Variants in SHB observed in about 807,000 individuals in gnomAD.
SHB encodes SH2 domain containing adaptor protein B.
A neutral mutation model predicts 52.3 loss-of-function variants in SHB; 20 were observed. That is an observed-to-expected ratio of 0.38 (90% CI 0.27 to 0.56). The LOEUF (loss-of-function observed/expected upper bound fraction) is 0.56. Ranked by LOEUF, SHB falls within the 20% of genes least tolerant of loss-of-function variation. The pLI is 0.71. For synonymous variants in SHB, 397 were observed against 316.5 expected, an observed-to-expected ratio of 1.25 and a Z score of -2.70; for missense variants, 825 against 723.3, an observed-to-expected ratio of 1.14 and a Z score of -1.61.
chr9:37,930,062 A>G (rs1201323404), intron 5 of SHB, among the ~76,000 whole-genome samples: 3 of 152,158 alleles, frequency 2.0e-5, no homozygotes, highest in East Asian at 1.9e-4. Flanking sequence ...TGTTCACACC[A>G]ATGCAGTCCA....
rs749831725 is a variant in SHB, at chr9:38,068,101, T to C, written c.545A>G (p.Lys182Arg). The C allele has an allele frequency of 6.7e-7, 1 of 1,487,574 alleles. No homozygotes were observed. Among genetic ancestry groups the C allele is most frequent in the Non-Finnish European group, 8.8e-7 (1 of 1,130,574 alleles). The allele number at this position is 1,487,574 out of a possible 1,614,324, so 92.1% of individuals were successfully genotyped here. ...GCTCTCCACTTTGATGAGGCGGTGC[T>C]TGGGGGAGATGTAGCGCACCTCGGC... ...TPAEVRYISP[K>R]HRLIKVESAA... The change falls in exon 1 of 6, where the codon AAG (lysine) becomes AGG (arginine). Residue 182 changes from lysine to arginine, a missense_variant. Lys to Arg is a conservative substitution (Grantham distance 26). Coordinates refer to ENST00000377707, the MANE Select transcript of SHB (RefSeq NM_003028.3).
intron 2 of SHB, among the ~76,000 whole-genome samples, chr9:37,997,338 C>T (rs1373124953): frequency 2.6e-5 from 4 of 152,208 alleles, no homozygotes; most frequent in Non-Finnish European, 5.9e-5. Flanking sequence ...CCCAGAGCCA[C>T]TAGCTAGTCC....
intron 5 of SHB, among the ~76,000 whole-genome samples, chr9:37,935,495 A>T (rs1832359044): frequency 6.6e-6 from 1 of 152,158 alleles, no homozygotes; most frequent in African/African-American, 2.4e-5. Context: ...TGCTATGGCC[A>T]CAGGTGAGCC....
intron 3 of SHB, among the ~76,000 whole-genome samples, chr9:37,968,550 C>G (rs1271880488): frequency 6.6e-6 from 1 of 152,206 alleles, no homozygotes; most frequent in Non-Finnish European, 1.5e-5. Context: ...ATGAGGCAGA[C>G]CTGGCTGAGC....
chr9:37,969,245 G>A lies in SHB; in HGVS notation c.1054+5377C>T, dbSNP rs183103630. 5.6e-4 allele frequency among the ~76,000 whole-genome samples: 85 copies of A among 152,302 alleles called. 1 individual carries two copies. The highest frequency in any genetic ancestry group is 1.9e-3 in the African/African-American group (80 of 41,576). On this transcript the variant is annotated intron_variant, in intron 3 of 5. Coordinates refer to ENST00000377707, the MANE Select transcript of SHB (RefSeq NM_003028.3). The stretch of plus-strand genomic sequence containing the variant: ...AGGCCAGACATTTGACTGGGTTAGG[G>A]CAGGGGCTCTGGAGTTGGAGCTGAC...
chr9:37,938,307 C>G (rs541566781), intron 5 of SHB, among the ~76,000 whole-genome samples: 1 of 152,280 alleles, frequency 6.6e-6, no homozygotes, highest in South Asian at 2.1e-4. Flanking sequence ...CTGATCACAG[C>G]CTTCCTCTCC....
intron 2 of SHB, among the ~76,000 whole-genome samples, chr9:37,999,950 CCATT>C (rs1295633521): frequency 6.6e-6 from 1 of 152,214 alleles, no homozygotes; most frequent in African/African-American, 2.4e-5. Context: ...TTCTATTTGG[CCATT>C]CAGAGATTTA....
chr9:38,001,921 A>G (rs868075210), intron 2 of SHB, among the ~76,000 whole-genome samples: 30 of 152,338 alleles, frequency 2.0e-4, no homozygotes, highest in Middle Eastern at 6.8e-3. Context: ...AGCTCCAGAG[A>G]GCACGAGTGG....
intron 3 of SHB, among the ~76,000 whole-genome samples, chr9:37,959,651 A>T (rs572308125): frequency 6.6e-6 from 1 of 152,296 alleles, no homozygotes; most frequent in East Asian, 1.9e-4. Context: ...ATGATTGTGG[A>T]GGGAGCCCAA....
chr9:38,013,927 CATG>C (rs941721440), intron 2 of SHB, among the ~76,000 whole-genome samples: 26 of 152,188 alleles, frequency 1.7e-4, no homozygotes, highest in Admixed American at 5.2e-4. Flanking sequence ...CCCTCAGCCT[CATG>C]ATGAAGAAAC....
At chr9:38,056,193 CCA>C (rs1486687839) in intron 1 of SHB, among the ~76,000 whole-genome samples, 4 of 151,874 alleles carry the variant, frequency 2.6e-5, no homozygotes, top group Non-Finnish European at 5.9e-5. Flanking sequence ...TACAGGGTAC[CCA>C]GACACACACT....
At chr9:37,945,305 G>T (rs987772357) in intron 5 of SHB, among the ~76,000 whole-genome samples, 2 of 152,232 alleles carry the variant, frequency 1.3e-5, no homozygotes, top group African/African-American at 4.8e-5. Flanking sequence ...GGCTGGCAAA[G>T]ATGGTGCTTG....
Position 38,016,055 on chromosome 9 carries a change from C to T in SHB, c.794G>A (p.Ser265Asn). ...DLKSKAGKGE[S>N]AGYMEPYEAQ... is the part of the protein sequence containing the mutation. ...CTCATAGGGCTCCATGTAGCCAGCA[C>T]TCTCCCCCTTTCCTGCTTTGCTCTT... Residue 265 changes from serine (S) to asparagine (N), a missense_variant, in exon 2 of 6, where the codon AGT becomes AAT. Ser to Asn is a conservative substitution (Grantham distance 46). Coordinates refer to ENST00000377707, the MANE Select transcript of SHB (RefSeq NM_003028.3). The T allele has an allele frequency of 6.2e-7, 1 of 1,614,220 alleles. No individual in the cohort carries two copies. Among genetic ancestry groups the T allele is most frequent in the East Asian group, 2.2e-5 (1 of 44,888 alleles).
chr9:38,057,970 C>G (rs1821842535), intron 1 of SHB, among the ~76,000 whole-genome samples: 1 of 151,580 alleles, frequency 6.6e-6, no homozygotes, highest in South Asian at 2.1e-4. Flanking sequence ...CTCAGCCATG[C>G]AACATAGCAG....
chr9:38,038,629 G>A (rs1821521596), intron 1 of SHB, among the ~76,000 whole-genome samples: 4 of 152,110 alleles, frequency 2.6e-5, no homozygotes, highest in South Asian at 4.1e-4. Flanking sequence ...GGAAAGCAGC[G>A]GGTCTGCCTG....
chr9:37,962,857 A>G (rs1832708678), intron 3 of SHB, among the ~76,000 whole-genome samples: 1 of 152,178 alleles, frequency 6.6e-6, no homozygotes, highest in Non-Finnish European at 1.5e-5. Flanking sequence ...GGCAGGCACC[A>G]TGGGGGACTT....
intron 2 of SHB, among the ~76,000 whole-genome samples, chr9:37,998,618 A>G (rs1820977954): frequency 6.6e-6 from 1 of 152,082 alleles, no homozygotes; most frequent in South Asian, 2.1e-4. Context: ...ACGCCCAGCT[A>G]ATTTTTGAAT....
At chr9:37,995,658 T>C (rs1820938068) in intron 2 of SHB, among the ~76,000 whole-genome samples, 1 of 152,142 alleles carries the variant, frequency 6.6e-6, no homozygotes, top group South Asian at 2.1e-4. Flanking sequence ...GTCAATGTCA[T>C]GTATATTAAT....
chr9:37,971,944 G>A (rs1310279466), intron 3 of SHB, among the ~76,000 whole-genome samples: 1 of 152,210 alleles, frequency 6.6e-6, no homozygotes, highest in Non-Finnish European at 1.5e-5. Context: ...GATCACCTGG[G>A]ATCTTGTTAA....
Sources: gnomAD v4.1 joint callset for allele counts (sites outside exome capture counted in the v4.1 genomes callset) on GRCh38, gnomAD v4.1.1 for gene constraint, MANE v1.5 for transcripts, NCBI Gene and HGNC (gene_info 2026-07-23, HGNC 2026-07-21) for gene names.